PLEKHB2: variants seen among roughly 807,000 people sequenced by gnomAD.
The protein encoded by PLEKHB2 is pleckstrin homology domain containing B2.
Under a neutral mutation model 36.5 loss-of-function variants are expected in PLEKHB2, and 31 were observed. That is an observed-to-expected ratio of 0.85 (90% CI 0.64 to 1.15). PLEKHB2 has a LOEUF of 1.15. Among genes scored for constraint, PLEKHB2 ranks in the 50% most tolerant of loss-of-function variants. The pLI, the probability that PLEKHB2 is intolerant of heterozygous loss-of-function variation, is 0.00. For missense variants in PLEKHB2, 262 were observed against 295.3 expected, an observed-to-expected ratio of 0.89 and a Z score of 0.83; for synonymous variants, 119 against 112.0, an observed-to-expected ratio of 1.06 and a Z score of -0.39.
At chr2:131,141,664 A>C (rs1698806999) in intron 7 of PLEKHB2, among the ~76,000 whole-genome samples, 1 of 151,636 alleles carries the variant, frequency 6.6e-6, no homozygotes, top group Non-Finnish European at 1.5e-5. Context: ...AAAAAAAGTA[A>C]TTATGACAGA....
chr2:131,134,613 T>C (rs763401944), intron 6 of PLEKHB2, among the ~76,000 whole-genome samples: 43 of 152,230 alleles, frequency 2.8e-4, no homozygotes, highest in Non-Finnish European at 5.6e-4. Context: ...ACAGTCTTAA[T>C]TATTGCAGCT....
At chr2:131,121,692 T>TA (rs1197761536) in intron 2 of PLEKHB2, among the ~76,000 whole-genome samples, 1 of 152,160 alleles carries the variant, frequency 6.6e-6, no homozygotes, top group African/African-American at 2.4e-5. Context: ...GGAGTCTTTG[T>TA]AATTATGTGG....
chr2:131,128,882 C>T (rs186780364), intron 4 of PLEKHB2, among the ~76,000 whole-genome samples: 1 of 152,326 alleles, frequency 6.6e-6, no homozygotes, highest in East Asian at 1.9e-4. Flanking sequence ...AAAGTCCCTA[C>T]TAGACTCTTC....
intron 1 of PLEKHB2, among the ~76,000 whole-genome samples, chr2:131,118,325 G>C (rs1696095169): frequency 6.6e-6 from 1 of 152,194 alleles, no homozygotes; most frequent in Non-Finnish European, 1.5e-5. Flanking sequence ...GGTAAGGACA[G>C]ATAGCATGAA....
chr2:131,122,993 T>TC (rs1401262563), intron 2 of PLEKHB2, among the ~76,000 whole-genome samples: 1 of 152,172 alleles, frequency 6.6e-6, no homozygotes, highest in Non-Finnish European at 1.5e-5. Context: ...GGGCAAGCTT[T>TC]CCCTTTTCCA....
chr2:131,107,193 G>A (rs1307308942), intron 1 of PLEKHB2, among the ~76,000 whole-genome samples: 1 of 152,206 alleles, frequency 6.6e-6, no homozygotes, highest in Non-Finnish European at 1.5e-5. Flanking sequence ...ACCAAAAACT[G>A]CAAAACACAC....
chr2:131,109,520 T>C, intron 1 of PLEKHB2, among the ~76,000 whole-genome samples: 1 of 151,942 alleles, frequency 6.6e-6, no homozygotes, highest in East Asian at 1.9e-4. Flanking sequence ...TAAAATCCCG[T>C]CTGTACTAAA....
At chr2:131,142,840 G>GC (rs549338638) in intron 7 of PLEKHB2, among the ~76,000 whole-genome samples, 6 of 152,064 alleles carry the variant, frequency 3.9e-5, no homozygotes, top group Non-Finnish European at 5.9e-5. Context: ...ACAGGTGTGA[G>GC]CCACCGTGCC....
chr2:131,120,750 A>G, intron 1 of PLEKHB2, 184 bp from the exon 2 acceptor site: 1 of 674,056 alleles, frequency 1.5e-6, no homozygotes, highest in Non-Finnish European at 2.7e-6. Context: ...GGGAGGGGGT[A>G]CAGAGTGCGG....
chr2:131,142,550 G>T (rs1698897402), intron 7 of PLEKHB2, among the ~76,000 whole-genome samples: 1 of 149,996 alleles, frequency 6.7e-6, no homozygotes, highest in Non-Finnish European at 1.5e-5. Context: ...TATTGAATAT[G>T]CATTAGAATA....
intron 3 of PLEKHB2, 59 bp from the exon 4 acceptor site, chr2:131,126,625 T>C (rs1375738620): frequency 1.0e-6 from 1 of 979,382 alleles, no homozygotes; most frequent in Non-Finnish European, 1.7e-6. Context: ...CTGGTAGTTC[T>C]TAGAAAATGT....
chr2:131,124,311 G>C (rs1176756795), intron 2 of PLEKHB2, among the ~76,000 whole-genome samples: 1 of 152,110 alleles, frequency 6.6e-6, no homozygotes, highest in Non-Finnish European at 1.5e-5. Flanking sequence ...TTGCAGGCAC[G>C]GCAACATAAA....
chr2:131,118,640 C>T (rs374073963), intron 1 of PLEKHB2, among the ~76,000 whole-genome samples: 11 of 149,892 alleles, frequency 7.3e-5, no homozygotes, highest in African/African-American at 2.7e-4. Flanking sequence ...CCGAGGTGGG[C>T]ATATCACGAG....
chr2:131,145,814 C>G (rs1699229822), intron 7 of PLEKHB2, among the ~76,000 whole-genome samples: 1 of 152,078 alleles, frequency 6.6e-6, no homozygotes, highest in Non-Finnish European at 1.5e-5. Flanking sequence ...CTAAATTTGT[C>G]TGTGGTTTGT....
Position 131,108,888 on chromosome 2 carries a change from A to G in PLEKHB2, c.-9+3490A>G, listed in dbSNP as rs533379318. Among the ~76,000 whole-genome samples, 166 of 152,306 alleles carry G rather than the reference A, an allele frequency of 1.1e-3. 1 individual carries two copies. The highest frequency in any genetic ancestry group is 3.7e-3 in the African/African-American group (153 of 41,570). On this transcript the variant is annotated intron_variant, in intron 1 of 7. Transcript: ENST00000693505. The stretch of plus-strand genomic sequence containing the variant: ...AACTACTTACATATTATTTCACCCA[A>G]TTTTCCGAACATCCTGTCAAGTAGG...
intron 1 of PLEKHB2, among the ~76,000 whole-genome samples, chr2:131,108,473 GCAAT>G (rs903538455): frequency 6.6e-6 from 1 of 152,100 alleles, no homozygotes; most frequent in African/African-American, 2.4e-5. Context: ...GCATGCTAAG[GCAAT>G]CAAACAGAAG....
chr2:131,140,883 T>C (rs1698719649), intron 7 of PLEKHB2, among the ~76,000 whole-genome samples: 1 of 152,198 alleles, frequency 6.6e-6, no homozygotes, highest in Admixed American at 6.5e-5. Flanking sequence ...CTGTGGCCGA[T>C]GGCCACTGTG....
intron 1 of PLEKHB2, among the ~76,000 whole-genome samples, chr2:131,118,466 A>T (rs1176736381): frequency 6.6e-6 from 1 of 152,094 alleles, no homozygotes; most frequent in Non-Finnish European, 1.5e-5. Context: ...AACCATGCTT[A>T]GATATGGGGA....
At chr2:131,121,153 C>G (rs1696471672) in intron 2 of PLEKHB2, among the ~76,000 whole-genome samples, 175 bp downstream of exon 2, 1 of 152,228 alleles carries the variant, frequency 6.6e-6, no homozygotes, top group Non-Finnish European at 1.5e-5. Context: ...CACCACGGAG[C>G]TCCTCCTTGG....
Sources: allele counts gnomAD v4.1 joint callset (sites outside exome capture counted in the v4.1 genomes callset), GRCh38; gene constraint gnomAD v4.1.1; transcripts MANE v1.5; gene names NCBI Gene and HGNC (gene_info 2026-07-23, HGNC 2026-07-21).